HMBOX1: variants seen among roughly 807,000 people sequenced by gnomAD.
HMBOX1 encodes homeobox-containing protein 1.
HMBOX1 carries 14 observed loss-of-function variants against 54.5 expected under a neutral mutation model. The observed-to-expected ratio is 0.26, with a 90% CI of 0.17 to 0.40. The LOEUF is 0.40. Among genes scored for constraint, HMBOX1 ranks in the 10% least tolerant of loss-of-function variants. HMBOX1 has a pLI of 1.00. For synonymous variants in HMBOX1, 160 were observed against 181.0 expected, an observed-to-expected ratio of 0.88 and a Z score of 0.93; for missense variants, 332 against 514.4, an observed-to-expected ratio of 0.65 and a Z score of 3.43.
chr8:28,953,153 T>A (rs1823817635), intron 1 of HMBOX1, among the ~76,000 whole-genome samples: 1 of 152,206 alleles, frequency 6.6e-6, no homozygotes, highest in South Asian at 2.1e-4. Flanking sequence ...TGATAGTAGT[T>A]GTTCTTTACC....
chr8:28,901,953 G>A (rs1047226250), intron 1 of HMBOX1, among the ~76,000 whole-genome samples: 8 of 152,152 alleles, frequency 5.3e-5, no homozygotes, highest in African/African-American at 1.4e-4. Context: ...CCTTCTGTCT[G>A]AAGAGACATA....
At chr8:29,049,367 A>G (rs1392996307) in intron 9 of HMBOX1, 1 of 1,533,282 alleles carries the variant, frequency 6.5e-7, no homozygotes, top group Non-Finnish European at 8.7e-7. Context: ...AGAAGGTAGA[A>G]GAAGAGAGGA....
chr8:29,014,273 A>C (rs1834666657), intron 5 of HMBOX1, among the ~76,000 whole-genome samples: 2 of 152,136 alleles, frequency 1.3e-5, no homozygotes, highest in Non-Finnish European at 2.9e-5. Context: ...ATGGGGGGAA[A>C]AAAGATTTCT....
At chr8:28,913,569 A>G (rs1250893007) in intron 1 of HMBOX1, among the ~76,000 whole-genome samples, 4 of 152,164 alleles carry the variant, frequency 2.6e-5, no homozygotes, top group African/African-American at 7.2e-5. Flanking sequence ...TACTTTCCCT[A>G]TAGTACACAT....
chr8:28,958,092 C>T (rs1238355986), intron 1 of HMBOX1, among the ~76,000 whole-genome samples: 1 of 152,074 alleles, frequency 6.6e-6, no homozygotes, highest in Non-Finnish European at 1.5e-5. Flanking sequence ...AGTATTGTAT[C>T]ATATCTCAAT....
At chr8:29,031,956 T>A (rs895165725) in intron 6 of HMBOX1, among the ~76,000 whole-genome samples, 1 of 152,058 alleles carries the variant, frequency 6.6e-6, no homozygotes, top group Non-Finnish European at 1.5e-5. Flanking sequence ...AGAGGAAGAA[T>A]GACATGGCCA....
At chr8:28,905,239 G>A (rs370793416) in intron 1 of HMBOX1, among the ~76,000 whole-genome samples, 1 of 152,094 alleles carries the variant, frequency 6.6e-6, no homozygotes, top group East Asian at 1.9e-4. Context: ...TTTTGTTGTT[G>A]TTGTTGTTGA....
At chr8:28,967,573 C>T (rs1458031558) in intron 2 of HMBOX1, among the ~76,000 whole-genome samples, 1 of 152,108 alleles carries the variant, frequency 6.6e-6, no homozygotes, top group Non-Finnish European at 1.5e-5. Flanking sequence ...TAGGAAAATA[C>T]TATGATTGGG....
chr8:28,954,850 T>G (rs1193607696), intron 1 of HMBOX1, among the ~76,000 whole-genome samples: 1 of 152,146 alleles, frequency 6.6e-6, no homozygotes, highest in Non-Finnish European at 1.5e-5. Context: ...ACCTTTCATT[T>G]TATGTCTTTG....
At chr8:29,043,470 T>A (rs1485195886) in intron 6 of HMBOX1, among the ~76,000 whole-genome samples, 1 of 152,252 alleles carries the variant, frequency 6.6e-6, no homozygotes, top group Non-Finnish European at 1.5e-5. Context: ...GATATTGACT[T>A]ACATGTCTCT....
chr8:28,934,249 A>G (rs571871815), intron 1 of HMBOX1, among the ~76,000 whole-genome samples: 2 of 152,354 alleles, frequency 1.3e-5, no homozygotes, highest in South Asian at 4.2e-4. Flanking sequence ...ATGCAGAAAG[A>G]CATCATTCGT....
chr8:28,945,115 TTCCCTAAAGA>T (rs1330922698), intron 1 of HMBOX1, among the ~76,000 whole-genome samples: 4 of 152,222 alleles, frequency 2.6e-5, no homozygotes, highest in Non-Finnish European at 5.9e-5. Context: ...CTTAAGAGGT[TTCCCTAAAGA>T]TATGATAGCT....
chr8:29,008,635 C>T (rs370901049), intron 4 of HMBOX1, among the ~76,000 whole-genome samples: 2 of 152,068 alleles, frequency 1.3e-5, no homozygotes, highest in African/African-American at 4.8e-5. Context: ...GGTCAGTATC[C>T]GTAATGAGTA....
At position 29,026,043 on chromosome 8, in the gene HMBOX1, TACACACACAC is replaced by T. The variant is rs35597688; in HGVS notation, c.851+7160_851+7169del. Among the ~76,000 whole-genome samples, 61 of 143,578 alleles carry T rather than the reference TACACACACAC, an allele frequency of 4.2e-4. 2 individuals are homozygous for T. In the South Asian group the frequency reaches 7.0e-3, roughly 17 times the overall value. 94.2% of individuals were successfully genotyped at this position (143,578 alleles called of 152,430 possible). ...CACAAACTACCTACTTGCTACCATG[TACACACACAC>T]ACACACACACACACACACACACACA... On this transcript the variant is annotated intron_variant, in intron 6 of 9. Transcript: ENST00000287701.
intron 1 of HMBOX1, among the ~76,000 whole-genome samples, chr8:28,944,159 T>G (rs1248168955): frequency 6.6e-6 from 1 of 152,250 alleles, no homozygotes; most frequent in Non-Finnish European, 1.5e-5. Context: ...TTCTGAAATC[T>G]TTATTTGCAG....
chr8:28,956,236 A>G (rs1275441081), intron 1 of HMBOX1, among the ~76,000 whole-genome samples: 1 of 151,906 alleles, frequency 6.6e-6, no homozygotes, highest in African/African-American at 2.4e-5. Context: ...CTTCTAGTGC[A>G]TTTGAGTATT....
At chr8:28,975,870 A>G (rs1323664742) in intron 3 of HMBOX1, among the ~76,000 whole-genome samples, 2 of 152,166 alleles carry the variant, frequency 1.3e-5, no homozygotes, top group Non-Finnish European at 2.9e-5. Context: ...AGAGTAAATG[A>G]AGTTTTCACA....
At chr8:28,951,636 T>C (rs1027326620) in intron 1 of HMBOX1, among the ~76,000 whole-genome samples, 1 of 152,176 alleles carries the variant, frequency 6.6e-6, no homozygotes, top group African/African-American at 2.4e-5. Flanking sequence ...GTTTAATCAG[T>C]GCTTCTTGAA....
chr8:28,978,321 T>A (rs147151877), intron 3 of HMBOX1, among the ~76,000 whole-genome samples: 1 of 152,328 alleles, frequency 6.6e-6, no homozygotes, highest in African/African-American at 2.4e-5. Flanking sequence ...CCAAATAGTC[T>A]ACAGAGAGAT....
Sources: gnomAD v4.1 joint callset for allele counts (sites outside exome capture counted in the v4.1 genomes callset) on GRCh38, gnomAD v4.1.1 for gene constraint, MANE v1.5 for transcripts, NCBI Gene and HGNC (gene_info 2026-07-23, HGNC 2026-07-21) for gene names.